Variants in CDHR4 observed in about 807,000 individuals in gnomAD.
CDHR4 encodes the protein cadherin related family member 4.
Under a neutral mutation model 88.4 loss-of-function variants are expected in CDHR4, and 89 were observed. That is an observed-to-expected ratio of 1.01 (90% CI 0.85 to 1.20). CDHR4 has a LOEUF of 1.20. Among genes scored for constraint, CDHR4 ranks in the 50% most tolerant of loss-of-function variants. The pLI is 0.00. For synonymous variants in CDHR4, 368 were observed against 399.2 expected (o/e 0.92, Z 0.93); for missense variants, 914 against 1,007.2 (o/e 0.91, Z 1.25).
chr3:49,795,177 A>T lies in CDHR4; in HGVS notation c.1031+19T>A. 6.4e-7 allele frequency: 1 copy of T among 1,551,530 alleles called. No individual in the cohort carries two copies. The highest frequency in any genetic ancestry group is 1.2e-5 in the South Asian group (1 of 84,066). On this transcript the variant is annotated intron_variant, in intron 8 of 18. Transcript: ENST00000412678. The surrounding 1 kb of genome is among the most constrained non-coding windows in gnomAD (Gnocchi z 5.4). Reference sequence around the variant, plus strand: ...TGGCTCTGACCCCAGCAGCCCAAGTATGGTTCCCGGGTACTCACACCAGAA... The same window carrying T: ...TGGCTCTGACCCCAGCAGCCCAAGTTTGGTTCCCGGGTACTCACACCAGAA...
chr3:49,799,698 A>G (rs1035508193), intron 1 of CDHR4, 66 bp downstream of exon 1: 1 of 1,544,026 alleles, frequency 6.5e-7, no homozygotes, highest in Non-Finnish European at 8.9e-7. Context: ...CCTCCATGGT[A>G]GCTTATCTGG....
At position 49,792,971 on chromosome 3, in the gene CDHR4, C is replaced by G. The variant is rs2081204411; in HGVS notation, c.1878G>C (p.Leu626=). 6.4e-7 allele frequency: 1 copy of G among 1,551,704 alleles called. No individual in the cohort carries two copies. Among genetic ancestry groups the G allele is most frequent in the East Asian group, 2.4e-5 (1 of 40,918 alleles). ...AGGGGCCTGCATCGGCCACACAGAT[C>G]AGTAGCTCATAGGTACGGGGCTGCT... ...WPEQPRTYEL[L]ICVADAGPST... The change falls in exon 14 of 19, where the codon CTG becomes CTC. Residue 626 remains leucine, a synonymous_variant. Transcript: ENST00000412678.
At chr3:49,790,933 C>G (rs1181074640) in intron 18 of CDHR4, 46 bp from the exon 19 acceptor site, 2 of 1,459,914 alleles carry the variant, frequency 1.4e-6, no homozygotes, top group Non-Finnish European at 1.9e-6. Flanking sequence ...GCTGCTGGCC[C>G]CAGAAGAACT....
chr3:49,792,331 G>C (rs1463961250), intron 15 of CDHR4, 137 bp downstream of exon 15: 11 of 1,094,670 alleles, frequency 1.0e-5, no homozygotes, highest in Non-Finnish European at 1.4e-5. Flanking sequence ...TCTGGAGGGA[G>C]AGTAGCCCTC....
chr3:49,793,115 T>C, intron 13 of CDHR4, 41 bp from the exon 14 acceptor site: 2 of 1,550,914 alleles, frequency 1.3e-6, no homozygotes, highest in Non-Finnish European at 8.7e-7. Context: ...ATTGCTGGCC[T>C]TGGCCTGCCC....
At chr3:49,791,049 C>A (rs776650350) in intron 18 of CDHR4, among the ~76,000 whole-genome samples, 162 bp from the exon 19 acceptor site, 1 of 152,164 alleles carries the variant, frequency 6.6e-6, no homozygotes, top group Non-Finnish European at 1.5e-5. Flanking sequence ...CCCTTCTCAG[C>A]AAATTCTCTC....
chr3:49,794,261 G>A (rs1458627422), intron 10 of CDHR4, among the ~76,000 whole-genome samples: 1 of 152,170 alleles, frequency 6.6e-6, no homozygotes, highest in African/African-American at 2.4e-5. Flanking sequence ...AGCCGGGCGT[G>A]GTGGCCGGCA....
In CDHR4 at chr3:49,799,284, G is replaced by C. The variant is rs201721883; in HGVS notation, c.203C>G (p.Pro68Arg). ...GGTCCCTTGCCACCTGGCCAAGCTG[G>C]GTGGGTTGAAGAAGGTGGTGGGTGG... ...VQPPTTFFNPPSLARWQGTYV... is the reference protein window; with the variant it reads ...VQPPTTFFNPRSLARWQGTYV... Residue 68 changes from proline to arginine, a missense_variant, in exon 2 of 19, where the codon CCC becomes CGC. By Grantham distance (103) the Pro-to-Arg change is moderately radical. Transcript: ENST00000412678. The C allele has an allele frequency of 1.9e-6, 3 of 1,613,738 alleles. No homozygotes were observed. Among genetic ancestry groups the C allele is most frequent in the African/African-American group, 1.3e-5 (1 of 74,920 alleles).
rs1198198340 is a variant in CDHR4, at chr3:49,795,503, GGCCCTCCTGCT to G, written c.847+114_847+124del. ...ATAGGCAAAGGAGGCCGCTGAGCCT[GGCCCTCCTGCT>G]GCCTTCTCCAAGACCAGGCCCCCAA... On this transcript the variant is annotated intron_variant, in intron 7 of 18. Coordinates refer to ENST00000412678, the MANE Select transcript of CDHR4 (RefSeq NM_001007540.4). This position sits in a 1 kb window ranked among gnomAD's most constrained non-coding sequence, Gnocchi z 5.4. 2.0e-6 allele frequency: 3 copies of G among 1,491,342 alleles called. No individual in the cohort carries two copies. The Admixed American group carries it at 6.2e-5, about 31-fold the overall frequency. 92.4% of individuals were successfully genotyped at this position (1,491,342 alleles called of 1,614,324 possible). A position where few individuals can be genotyped will look rare whatever the true frequency, so the allele number is the denominator to read the frequency against.
At position 49,795,965 on chromosome 3, in the gene CDHR4, G is replaced by C. The variant is rs1176281567; in HGVS notation, c.688C>G (p.Pro230Ala). The C allele has an allele frequency of 1.9e-6, 3 of 1,543,920 alleles. No individual in the cohort carries two copies. The Admixed American group carries it at 6.0e-5, about 31-fold the overall frequency. Residue 230 changes from proline (P) to alanine (A), a missense_variant, in exon 6 of 19, where the codon CCC becomes GCC. By Grantham distance (27) the Pro-to-Ala change is conservative (BLOSUM62 -1). Coordinates refer to ENST00000412678, the MANE Select transcript of CDHR4 (RefSeq NM_001007540.4). The surrounding 1 kb of genome is among the most constrained non-coding windows in gnomAD (Gnocchi z 5.4). ...TACAGGAAGGAGACCTGGCTGGAGG[G>C]AACAGGCAAAACCTTCACTATCACC... ...GMVIVKVLPV[P>A]SSQVSFLEQA...
rs1452031964 is a variant in CDHR4 at position 49,792,485 on chromosome 3, A to T, written c.2121T>A (p.Leu707=). Residue 707 remains leucine, a synonymous_variant, in exon 15 of 19, where the codon CTT becomes CTA. Coordinates refer to ENST00000412678, the MANE Select transcript of CDHR4 (RefSeq NM_001007540.4). The part of the protein sequence containing the change: ...ALLLLALGWL[L]GRLLQGLAQL... ...ATCCCTACCCCTGGAGGAGCCTGCC[A>T]AGAAGCCAGCCTAGGGCCAAGAGGA... The T allele has an allele frequency of 6.4e-7, 1 of 1,551,682 alleles. No individual in the cohort carries two copies. The highest frequency in any genetic ancestry group is 8.7e-7 in the Non-Finnish European group (1 of 1,146,966).
intron 15 of CDHR4, 95 bp downstream of exon 15, chr3:49,792,373 G>T: frequency 6.9e-7 from 1 of 1,446,346 alleles, no homozygotes; most frequent in Non-Finnish European, 9.3e-7. Flanking sequence ...ACCTACTTGG[G>T]CATTGTCATC....
intron 17 of CDHR4, 26 bp downstream of exon 17, chr3:49,791,688 C>T (rs763433739): frequency 1.5e-5 from 23 of 1,550,958 alleles, no homozygotes; most frequent in Non-Finnish European, 4.4e-6. Flanking sequence ...TTGGTGTCCA[C>T]TACTTGAGAT....
chr3:49,802,362 A>G (rs1202868544), upstream of CDHR4, among the ~76,000 whole-genome samples: 3 of 151,986 alleles, frequency 2.0e-5, no homozygotes, highest in South Asian at 4.1e-4. Flanking sequence ...TTTTTAGTAG[A>G]GACGGGGTTT....
chr3:49,797,642 T>C (rs2081291456), intron 4 of CDHR4, among the ~76,000 whole-genome samples: 1 of 152,038 alleles, frequency 6.6e-6, no homozygotes, highest in Admixed American at 6.6e-5. Context: ...CCACCACGCC[T>C]GGCTAATTTT....
intron 1 of CDHR4, 71 bp from the exon 2 acceptor site, chr3:49,799,508 T>C (rs1575355674): frequency 6.8e-7 from 1 of 1,462,986 alleles, no homozygotes; most frequent in African/African-American, 1.4e-5. Context: ...CATAGTCCTG[T>C]CCTTTTGCCA....
At chr3:49,798,599 A>G in intron 4 of CDHR4, 1 of 541,938 alleles carries the variant, frequency 1.8e-6, no homozygotes, top group Non-Finnish European at 3.2e-6. Context: ...AAAAAAAAAA[A>G]AAAAAAGAAC....
In CDHR4 at chr3:49,799,329, A is replaced by C. The variant is rs1178286625; in HGVS notation, c.158T>G (p.Leu53Arg). The C allele has an allele frequency of 1.4e-5, 22 of 1,613,760 alleles. No individual in the cohort carries two copies. The highest frequency in any genetic ancestry group is 2.7e-5 in the African/African-American group (2 of 74,946). ...GGGTGGCTGGACATTGAGCAACTCCAGGGTGGGTGTGGGCGTGTAGGAGGA... is the reference window on the plus strand; with the variant it reads ...GGGTGGCTGGACATTGAGCAACTCCCGGGTGGGTGTGGGCGTGTAGGAGGA... The part of the protein sequence containing the change: ...NCSSYTPTPT[L>R]ELLNVQPPTT... The change falls in exon 2 of 19, where the codon CTG (leucine) becomes CGG (arginine). Residue 53 changes from leucine (L) to arginine (R), a missense_variant. By Grantham distance (102) the Leu-to-Arg change is moderately radical. Transcript: ENST00000412678.
At position 49,790,883 on chromosome 3, in the gene CDHR4, G is replaced by A. The variant is rs1047267637; in HGVS notation, c.2316C>T (p.Thr772=). The change falls in exon 19 of 19, where the codon ACC becomes ACT. Residue 772 remains threonine, a synonymous_variant. Transcript: ENST00000412678. ...HFDGRAQDSR[T]GRDYLFNTHT... ...GTGTGTTAAACAGGTAGTCTCTTCC[G>A]GTACCTAAAACCGGTAGGAGAGAGA... 22 of 1,550,888 alleles carry A rather than the reference G, an allele frequency of 1.4e-5. No individual in the cohort carries two copies. The highest frequency in any genetic ancestry group is 7.9e-5 in the Admixed American group (4 of 50,880).
Sources: gnomAD v4.1 joint callset for allele counts (sites outside exome capture counted in the v4.1 genomes callset) on GRCh38, gnomAD v4.1.1 for gene constraint, Gnocchi (gnomAD v3.1) non-coding constraint, MANE v1.5 for transcripts, NCBI Gene and HGNC (gene_info 2026-07-23, HGNC 2026-07-21) for gene names.